HELQ: variants seen among roughly 807,000 people sequenced by gnomAD.
HELQ encodes the protein helicase POLQ-like.
In HELQ, 77 loss-of-function variants were observed where a neutral mutation model predicts 111.6. The observed-to-expected ratio is 0.69, with a 90% CI of 0.57 to 0.83. The LOEUF (loss-of-function observed/expected upper bound fraction) is 0.83. Among genes scored for constraint, HELQ ranks in the 40% least tolerant of loss-of-function variants. The pLI, the probability that HELQ is intolerant of heterozygous loss-of-function variation, is 0.00. For missense variants in HELQ, 1,200 were observed against 1,288.5 expected (o/e 0.93, Z 1.05); for synonymous variants, 438 against 454.7 (o/e 0.96, Z 0.47).
intron 8 of HELQ, among the ~76,000 whole-genome samples, chr4:83,437,652 A>T (rs1486064380): frequency 1.3e-5 from 2 of 151,892 alleles, no homozygotes; most frequent in East Asian, 3.8e-4. Context: ...ACATAAATAC[A>T]ACACTTTACA....
intron 3 of HELQ, among the ~76,000 whole-genome samples, 190 bp downstream of exon 3, chr4:83,448,593 C>T (rs1721176139): frequency 6.6e-6 from 1 of 150,996 alleles, no homozygotes; most frequent in Non-Finnish European, 1.5e-5. Flanking sequence ...TCGCTTGAAC[C>T]TGGGAGGCGG....
chr4:83,415,110 C>A (rs529161271), intron 17 of HELQ, among the ~76,000 whole-genome samples: 54 of 152,250 alleles, frequency 3.5e-4, no homozygotes, highest in African/African-American at 1.3e-3. Context: ...AGAAGCCAAG[C>A]AATTTCAGAC....
intron 17 of HELQ, among the ~76,000 whole-genome samples, chr4:83,408,976 A>C (rs1738944347): frequency 6.6e-6 from 1 of 152,112 alleles, no homozygotes; most frequent in Non-Finnish European, 1.5e-5. Flanking sequence ...TAGGGGAGAG[A>C]ATGGGTGAAA....
chr4:83,448,841 A>G lies in HELQ; in HGVS notation c.1133T>C (p.Leu378Pro), dbSNP rs1381320582. Residue 378 changes from leucine (L) to proline (P), a missense_variant, in exon 3 of 18, where the codon CTT becomes CCT. Physicochemically the swap from Leu to Pro is moderately conservative, Grantham distance 98. Coordinates refer to ENST00000295488, the MANE Select transcript of HELQ (RefSeq NM_133636.5). ...VAEILMLQEL[L>P]CCRKDVLMIL... ...CATTAAAACATCTTTCCGACAGCAA[A>G]GCAGTTCTTGCAGCATTAAAATCTC... is the stretch of plus-strand genomic sequence containing the variant. The G allele has an allele frequency of 2.5e-6, 4 of 1,613,958 alleles. No homozygotes were observed. In the African/African-American group the frequency reaches 5.3e-5, roughly 22 times the overall value.
intron 2 of HELQ, among the ~76,000 whole-genome samples, chr4:83,449,252 T>C (rs1398646848): frequency 6.6e-6 from 1 of 152,096 alleles, no homozygotes; most frequent in Non-Finnish European, 1.5e-5. Flanking sequence ...GGACAAGGAG[T>C]GCCATCTGAG....
chr4:83,431,747 G>C lies in HELQ; in HGVS notation c.2212C>G (p.Pro738Ala). ...KQQVLELITK[P>A]LENCYSHLVQ... ...AGATGGCTGTAACAGTTTTCCAATG[G>C]TTTAGTTATTAACTCCAATACCTAT... Residue 738 changes from proline (P) to alanine (A), a missense_variant, in exon 11 of 18, where the codon CCA (proline) becomes GCA (alanine). Transcript: ENST00000295488. The C allele has an allele frequency of 6.6e-7, 1 of 1,520,456 alleles. No individual in the cohort carries two copies. The highest frequency in any genetic ancestry group is 8.9e-7 in the Non-Finnish European group (1 of 1,127,402). The allele number at this position is 1,520,456 out of a possible 1,614,324, so 94.2% of individuals were successfully genotyped here. A position where few individuals can be genotyped will look rare whatever the true frequency, so the allele number is the denominator to read the frequency against.
At chr4:83,444,010 A>G (rs1422743279) in intron 5 of HELQ, among the ~76,000 whole-genome samples, 2 of 152,200 alleles carry the variant, frequency 1.3e-5, no homozygotes, top group Admixed American at 1.3e-4. Flanking sequence ...GTGTCACTGC[A>G]CTGCAGCTTG....
At chr4:83,455,359 C>A in intron 1 of HELQ, 38 bp downstream of exon 1, 1 of 1,596,684 alleles carries the variant, frequency 6.3e-7, no homozygotes, top group Non-Finnish European at 8.6e-7. Flanking sequence ...GGGAAGGATG[C>A]CAAAAGTTTG....
In HELQ at chr4:83,423,094, T is replaced by C. The variant is rs77255921; in HGVS notation, c.2776-1358A>G. On this transcript the variant is annotated intron_variant, in intron 14 of 17. Transcript: ENST00000295488. ...CTTAGAAACTAATCAATTCTTAAAA[T>C]TGAGGGCAAAAAGATGAACTTAAAA... 8.6e-3 allele frequency among the ~76,000 whole-genome samples: 1,302 copies of C among 152,040 alleles called. 14 individuals carry two copies. Among genetic ancestry groups the C allele is most frequent in the African/African-American group, 0.03 (1,224 of 41,472 alleles).
At chr4:83,422,949 C>A (rs1447692124) in intron 14 of HELQ, among the ~76,000 whole-genome samples, 1 of 152,108 alleles carries the variant, frequency 6.6e-6, no homozygotes, top group Non-Finnish European at 1.5e-5. Flanking sequence ...ATGGTCCAAG[C>A]TAAAACACCT....
intron 8 of HELQ, among the ~76,000 whole-genome samples, chr4:83,437,603 TA>T (rs11337269): frequency 0.15 from 14,339 of 97,834 alleles, 1,833 homozygotes; most frequent in African/African-American, 0.36. Flanking sequence ...AAGCCTTGTC[TA>T]AAAAAAAAAA....
chr4:83,412,186 G>A (rs1274002845), intron 17 of HELQ, among the ~76,000 whole-genome samples: 1 of 152,210 alleles, frequency 6.6e-6, no homozygotes, highest in Non-Finnish European at 1.5e-5. Context: ...CTTTATGAAT[G>A]AGAGTATACT....
In HELQ at chr4:83,453,562, A is replaced by AGAGGAT; in HGVS notation, c.675_680dup (p.Ser226_Ser227dup). On this transcript the variant is annotated inframe_insertion, in exon 2 of 18. Transcript: ENST00000295488. Reference sequence around the variant, plus strand: ...GCAGTTCCTCATTCACAGTGTTGTGAGAGGATGACTTCCAATCCCTTTCTT... The same window carrying AGAGGAT: ...GCAGTTCCTCATTCACAGTGTTGTGAGAGGATGAGGATGACTTCCAATCCCTTTCTT... 6.2e-7 allele frequency: 1 copy of AGAGGAT among 1,613,422 alleles called. No individual in the cohort carries two copies. Among genetic ancestry groups the AGAGGAT allele is most frequent in the Non-Finnish European group, 8.5e-7 (1 of 1,179,708 alleles).
chr4:83,416,875 G>A lies in HELQ; in HGVS notation c.3064-10C>T, dbSNP rs1480016703. 1.3e-6 allele frequency: 2 copies of A among 1,582,166 alleles called. No individual in the cohort carries two copies. The highest frequency in any genetic ancestry group is 2.3e-5 in the East Asian group (1 of 43,886). On this transcript the variant is annotated splice_polypyrimidine_tract_variant and intron_variant, in intron 16 of 17. Coordinates refer to ENST00000295488, the MANE Select transcript of HELQ (RefSeq NM_133636.5). ...ACTGTTTTGCTCGACCCTGAAAAGT[G>A]TTACAAAAATCAGTAGGATAATAGT...
intron 15 of HELQ, among the ~76,000 whole-genome samples, chr4:83,420,068 C>T (rs1739586301): frequency 6.6e-6 from 1 of 152,010 alleles, no homozygotes; most frequent in Non-Finnish European, 1.5e-5. Context: ...GATTATTATG[C>T]CACCCAATAA....
At chr4:83,429,791 G>A (rs1720045675) in intron 11 of HELQ, 45 bp from the exon 12 acceptor site, 1 of 1,285,746 alleles carries the variant, frequency 7.8e-7, no homozygotes. Context: ...CTTAATTCAA[G>A]GCATCACCTT....
At chr4:83,419,906 C>T (rs1013417175) in intron 15 of HELQ, among the ~76,000 whole-genome samples, 5 of 152,004 alleles carry the variant, frequency 3.3e-5, no homozygotes, top group Admixed American at 2.6e-4. Flanking sequence ...ATTATTTACT[C>T]CTTTCATTAG....
At chr4:83,418,524 T>C (rs1739481853) in intron 15 of HELQ, among the ~76,000 whole-genome samples, 1 of 152,196 alleles carries the variant, frequency 6.6e-6, no homozygotes, top group Admixed American at 6.5e-5. Context: ...CTAAAAACAA[T>C]TCCTACATCT....
At chr4:83,451,585 G>T in intron 2 of HELQ, among the ~76,000 whole-genome samples, 1 of 151,836 alleles carries the variant, frequency 6.6e-6, no homozygotes, top group South Asian at 2.1e-4. Context: ...AAAATGGCGC[G>T]AACCCAGGAG....
Sources: allele counts gnomAD v4.1 joint callset (sites outside exome capture counted in the v4.1 genomes callset), GRCh38; gene constraint gnomAD v4.1.1; transcripts MANE v1.5; gene names NCBI Gene and HGNC (gene_info 2026-07-23, HGNC 2026-07-21).